Variants in CDH4 observed in about 807,000 individuals in gnomAD.
The protein encoded by CDH4 is cadherin-4.
In CDH4, 33 loss-of-function variants were observed where a neutral mutation model predicts 86.0. That is an observed-to-expected ratio of 0.38 (90% CI 0.29 to 0.51). The LOEUF (loss-of-function observed/expected upper bound fraction) is 0.51, where lower values mean the gene tolerates loss of function less well. CDH4 is among the 20% of genes least tolerant of loss of function. CDH4 has a pLI of 0.86. For synonymous variants in CDH4, 555 were observed against 549.4 expected (o/e 1.01, Z -0.14); for missense variants, 1,114 against 1,307.4 (o/e 0.85, Z 2.28).
intron 2 of CDH4, among the ~76,000 whole-genome samples, chr20:61,539,144 A>G (rs1448198203): frequency 6.6e-6 from 1 of 151,940 alleles, no homozygotes; most frequent in Non-Finnish European, 1.5e-5. Flanking sequence ...TGGCCGGTGC[A>G]CCCACGGCCC....
intron 9 of CDH4, 54 bp from the exon 10 acceptor site, chr20:61,923,397 C>A: frequency 6.3e-7 from 1 of 1,590,880 alleles, no homozygotes; most frequent in South Asian, 1.1e-5. Context: ...CCCCCCATGC[C>A]CACTCCCACG....
intron 4 of CDH4, among the ~76,000 whole-genome samples, chr20:61,824,410 T>A (rs1981216108): frequency 6.7e-6 from 1 of 149,860 alleles, no homozygotes; most frequent in Non-Finnish European, 1.5e-5. Flanking sequence ...ATGAATTAAA[T>A]GGATCAATGA....
At chr20:61,297,104 G>C (rs1361244318) in intron 2 of CDH4, among the ~76,000 whole-genome samples, 1 of 152,182 alleles carries the variant, frequency 6.6e-6, no homozygotes, top group African/African-American at 2.4e-5. Flanking sequence ...AAAGTGTGGA[G>C]GCAAGGAGTG....
chr20:61,784,862 G>A (rs1013796097), intron 4 of CDH4, among the ~76,000 whole-genome samples: 5 of 152,094 alleles, frequency 3.3e-5, no homozygotes, highest in Admixed American at 6.6e-5. Context: ...TGGATGGCGC[G>A]AGTTTCCCAC....
At chr20:61,430,969 T>TC (rs1417549391) in intron 2 of CDH4, among the ~76,000 whole-genome samples, 4 of 152,284 alleles carry the variant, frequency 2.6e-5, no homozygotes, top group African/African-American at 9.6e-5. Flanking sequence ...CATTTCCCTG[T>TC]CTCCAAAATG....
At chr20:61,290,386 A>G (rs1168976355) in intron 2 of CDH4, among the ~76,000 whole-genome samples, 1 of 42,522 alleles carries the variant, frequency 2.4e-5, no homozygotes, top group Non-Finnish European at 4.4e-5. Context: ...GTATCCAATG[A>G]GACTTGCTGG....
At chr20:61,368,947 A>G (rs760054209) in intron 2 of CDH4, among the ~76,000 whole-genome samples, 6 of 152,254 alleles carry the variant, frequency 3.9e-5, no homozygotes, top group African/African-American at 7.2e-5. Context: ...AGAAGGACGC[A>G]GCATCATTTT....
In CDH4 at chr20:61,269,413, C is replaced by G. The variant is rs184678318; in HGVS notation, c.169+14476C>G. 9.2e-5 allele frequency among the ~76,000 whole-genome samples: 14 copies of G among 152,182 alleles called. No individual in the cohort carries two copies. The highest frequency in any genetic ancestry group is 8.5e-4 in the Admixed American group (13 of 15,288). On this transcript the variant is annotated intron_variant, in intron 2 of 15. Transcript: ENST00000614565. This position sits in a 1 kb window ranked among gnomAD's most constrained non-coding sequence, Gnocchi z 5.3. ...CACATTTCTAATCCTTAGCCATCAG[C>G]TCTGTGACACTGGACCATTTTGTGG...
At chr20:61,305,101 G>A (rs553616861) in intron 2 of CDH4, among the ~76,000 whole-genome samples, 17 of 152,028 alleles carry the variant, frequency 1.1e-4, no homozygotes, top group Non-Finnish European at 2.2e-4. Flanking sequence ...CACTGTGTGT[G>A]TGGTGTGTGC....
intron 2 of CDH4, among the ~76,000 whole-genome samples, chr20:61,607,574 A>G (rs1056647940): frequency 6.6e-6 from 1 of 152,226 alleles, no homozygotes; most frequent in Non-Finnish European, 1.5e-5. Context: ...AAAAAAAAGC[A>G]TCTCTTTTTA....
At chr20:61,454,667 G>A (rs1042720228) in intron 2 of CDH4, among the ~76,000 whole-genome samples, 1 of 152,126 alleles carries the variant, frequency 6.6e-6, no homozygotes, top group Non-Finnish European at 1.5e-5. Flanking sequence ...GGATGGTCTC[G>A]ATCTCCTGAC....
intron 2 of CDH4, among the ~76,000 whole-genome samples, chr20:61,707,490 C>G (rs1397800057): frequency 6.6e-6 from 1 of 152,200 alleles, no homozygotes; most frequent in African/African-American, 2.4e-5. Flanking sequence ...GGGATGTGGA[C>G]ACGTGTGAGT....
chr20:61,899,789 C>T (rs1410640545), intron 8 of CDH4, among the ~76,000 whole-genome samples: 2 of 152,114 alleles, frequency 1.3e-5, no homozygotes, highest in South Asian at 2.1e-4. Flanking sequence ...ACAGGGTCTC[C>T]GAGGACAGGA....
At chr20:61,835,405 G>A (rs1181927187) in intron 4 of CDH4, among the ~76,000 whole-genome samples, 1 of 152,234 alleles carries the variant, frequency 6.6e-6, no homozygotes, top group Non-Finnish European at 1.5e-5. Flanking sequence ...CATGACAAGG[G>A]CTAGGATGAC....
chr20:61,842,231 C>T (rs561733689), intron 4 of CDH4, among the ~76,000 whole-genome samples: 5 of 152,274 alleles, frequency 3.3e-5, no homozygotes, highest in East Asian at 1.9e-4. Context: ...TATTCAGGCG[C>T]GATGAAGGAG....
At chr20:61,893,271 TGGATGGGTGGGTAAATAGAG>T (rs1446875657) in intron 7 of CDH4, among the ~76,000 whole-genome samples, 234 of 126,620 alleles carry the variant, frequency 1.8e-3, no homozygotes, top group Middle Eastern at 4.8e-3. Context: ...GATGGATAGA[TGGATGGGTGGGTAAATAGAG>T]GGATAGATGG....
intron 2 of CDH4, among the ~76,000 whole-genome samples, chr20:61,550,665 G>A (rs1201687363): frequency 6.6e-6 from 1 of 152,114 alleles, no homozygotes; most frequent in African/African-American, 2.4e-5. Context: ...ACCCACCCAA[G>A]GCCCTTCTTG....
chr20:61,459,983 C>G (rs376373077), intron 2 of CDH4, among the ~76,000 whole-genome samples: 1 of 152,080 alleles, frequency 6.6e-6, no homozygotes, highest in African/African-American at 2.4e-5. Context: ...ACCTCACACT[C>G]CAGGAACCAA....
rs1427741607 is a variant in CDH4 at position 61,917,205 on chromosome 20, TCC to T, written c.1375-6244_1375-6243del. On this transcript the variant is annotated intron_variant, in intron 9 of 15. Transcript: ENST00000614565. ...GGGATGAGGAATGCGCCTTGCCACC[TCC>T]CAGGCTCTACCTGAGGTGGGCACAC... Among the ~76,000 whole-genome samples, 3 of 152,160 alleles carry T rather than the reference TCC, an allele frequency of 2.0e-5. No homozygotes were observed. In the East Asian group the frequency reaches 5.8e-4, roughly 29 times the overall value.
Sources: gnomAD v4.1 joint callset for allele counts (sites outside exome capture counted in the v4.1 genomes callset) on GRCh38, gnomAD v4.1.1 for gene constraint, Gnocchi (gnomAD v3.1) non-coding constraint, MANE v1.5 for transcripts, NCBI Gene and HGNC (gene_info 2026-07-23, HGNC 2026-07-21) for gene names.